The following KIAA1549L variants were observed in gnomAD, a reference collection of about 807,000 sequenced individuals.
KIAA1549L encodes UPF0606 protein KIAA1549L.
Under a neutral mutation model 160.7 loss-of-function variants are expected in KIAA1549L, and 88 were observed. The observed-to-expected ratio is 0.55, with a 90% CI of 0.46 to 0.65. KIAA1549L has a LOEUF of 0.65. Ranked by LOEUF, KIAA1549L falls within the 30% of genes least tolerant of loss-of-function variation. The pLI is 0.00. For missense variants in KIAA1549L, 2,258 were observed against 2,437.5 expected, an observed-to-expected ratio of 0.93 and a Z score of 1.55; for synonymous variants, 950 against 976.7, an observed-to-expected ratio of 0.97 and a Z score of 0.51.
intron 16 of KIAA1549L, among the ~76,000 whole-genome samples, chr11:33,630,754 G>A (rs951932017): frequency 2.0e-4 from 30 of 152,286 alleles, no homozygotes; most frequent in Non-Finnish European, 3.5e-4. Flanking sequence ...CGTCGCTCAC[G>A]CTGGGAGCTG....
Position 33,552,115 on chromosome 11 carries a change from G to T in KIAA1549L, c.3729G>T (p.Gln1243His). 6.2e-7 allele frequency: 1 copy of T among 1,613,704 alleles called. No homozygotes were observed. The highest frequency in any genetic ancestry group is 2.2e-5 in the East Asian group (1 of 44,870). Reference sequence around the variant, plus strand: ...TGACTTCTCTCATTCTAGTGCTGCAGTTTGTGAGCCAAGCGGACAACATAC... The same window carrying T: ...TGACTTCTCTCATTCTAGTGCTGCATTTTGTGAGCCAAGCGGACAACATAC... ...AGYFQLKTVL[Q>H]FVSQADNIQS... The change falls in exon 6 of 21, where the codon CAG becomes CAT. Residue 1243 changes from glutamine to histidine, a missense_variant. Coordinates refer to ENST00000658780, the MANE Select transcript of KIAA1549L (RefSeq NM_012194.3).
intron 1 of KIAA1549L, among the ~76,000 whole-genome samples, chr11:33,383,609 G>A (rs1850116082): frequency 6.6e-6 from 1 of 152,190 alleles, no homozygotes; most frequent in Non-Finnish European, 1.5e-5. Flanking sequence ...GGGGTATAGT[G>A]AGAACAGGCT....
chr11:33,376,330 C>T lies in KIAA1549L; in HGVS notation c.-322C>T, dbSNP rs1048996926. The stretch of plus-strand genomic sequence containing the variant: ...CCCCCTAGTTCTGCAGGAGCCGGCC[C>T]GGGGGAGGGGGCCCCGGGCGGCGCC... On this transcript the variant is annotated 5_prime_UTR_variant, in exon 1 of 21. Coordinates refer to ENST00000658780, the MANE Select transcript of KIAA1549L (RefSeq NM_012194.3). The surrounding 1 kb of genome is among the most constrained non-coding windows in gnomAD (Gnocchi z 5.8). 9.5e-5 allele frequency: 14 copies of T among 147,900 alleles called. No individual in the cohort carries two copies. Among genetic ancestry groups the T allele is most frequent in the African/African-American group, 3.4e-4 (14 of 40,860 alleles). 9.2% of individuals were successfully genotyped at this position (147,900 alleles called of 1,614,324 possible).
chr11:33,417,498 A>T, intron 1 of KIAA1549L, among the ~76,000 whole-genome samples: 1 of 152,210 alleles, frequency 6.6e-6, no homozygotes, highest in Non-Finnish European at 1.5e-5. Context: ...CTTGAAGAAT[A>T]ATTGCCTTGC....
At chr11:33,401,758 G>C (rs1850505355) in intron 1 of KIAA1549L, among the ~76,000 whole-genome samples, 1 of 152,126 alleles carries the variant, frequency 6.6e-6, no homozygotes, top group Admixed American at 6.5e-5. Context: ...TCTTGCCTCT[G>C]CCTGCCTCAG....
At chr11:33,539,519 CAG>C (rs1853966859) in intron 1 of KIAA1549L, among the ~76,000 whole-genome samples, 1 of 152,236 alleles carries the variant, frequency 6.6e-6, no homozygotes, top group African/African-American at 2.4e-5. Flanking sequence ...CCTTTGTCAG[CAG>C]AGTCCATAGG....
chr11:33,656,709 C>T (rs980843344), intron 18 of KIAA1549L, among the ~76,000 whole-genome samples: 2 of 152,192 alleles, frequency 1.3e-5, no homozygotes, highest in African/African-American at 4.8e-5. Context: ...GACCACTGCC[C>T]TGGCCTTCCT....
chr11:33,415,789 T>C (rs1850876125), intron 1 of KIAA1549L, among the ~76,000 whole-genome samples: 1 of 152,080 alleles, frequency 6.6e-6, no homozygotes, highest in South Asian at 2.1e-4. Flanking sequence ...ACTGATGACT[T>C]ATCAGCATTT....
At chr11:33,505,312 A>T (rs540313146) in intron 1 of KIAA1549L, among the ~76,000 whole-genome samples, 1 of 152,330 alleles carries the variant, frequency 6.6e-6, no homozygotes, top group African/African-American at 2.4e-5. Flanking sequence ...GGTTGTCAGG[A>T]GAATCTCCAG....
intron 1 of KIAA1549L, among the ~76,000 whole-genome samples, chr11:33,419,853 A>G (rs1409596004): frequency 6.8e-6 from 1 of 146,672 alleles, no homozygotes; most frequent in Admixed American, 7.0e-5. Flanking sequence ...TTTAAAAAAA[A>G]TGTTATACAT....
chr11:33,551,270 C>G lies in KIAA1549L; in HGVS notation c.3721+11C>G, dbSNP rs374903913. On this transcript the variant is annotated intron_variant, in intron 5 of 20. Transcript: ENST00000658780. The stretch of plus-strand genomic sequence containing the variant: ...TCCAGCTAAAAACAGGCAAGTGACT[C>G]GGAAGGAAGGGATTTTCATCCATTC... 4 of 1,607,908 alleles carry G rather than the reference C, an allele frequency of 2.5e-6. No homozygotes were observed. The East Asian group carries it at 8.9e-5, about 36-fold the overall frequency.
At chr11:33,606,900 A>C in intron 14 of KIAA1549L, 78 bp downstream of exon 14, 1 of 1,269,570 alleles carries the variant, frequency 7.9e-7, no homozygotes, top group East Asian at 2.5e-5. Context: ...ACACCTGTGA[A>C]TACTGGGTGC....
chr11:33,402,716 C>T (rs929345393), intron 1 of KIAA1549L, among the ~76,000 whole-genome samples: 1 of 152,204 alleles, frequency 6.6e-6, no homozygotes, highest in African/African-American at 2.4e-5. Flanking sequence ...GCCCCTGGCT[C>T]CTGAATTCCC....
At chr11:33,575,119 A>G (rs1355076959) in intron 10 of KIAA1549L, among the ~76,000 whole-genome samples, 1 of 152,210 alleles carries the variant, frequency 6.6e-6, no homozygotes, top group Non-Finnish European at 1.5e-5. Context: ...TCCTCAGCAT[A>G]ATCTAGTGAA....
chr11:33,416,060 C>T (rs1288160544), intron 1 of KIAA1549L, among the ~76,000 whole-genome samples: 1 of 152,012 alleles, frequency 6.6e-6, no homozygotes, highest in Non-Finnish European at 1.5e-5. Context: ...AACCAACCAA[C>T]CAATAAAAAG....
intron 17 of KIAA1549L, among the ~76,000 whole-genome samples, chr11:33,651,906 C>T (rs1323860304): frequency 4.1e-5 from 3 of 73,342 alleles, no homozygotes; most frequent in Non-Finnish European, 8.6e-5. Flanking sequence ...CCTTCCCCTC[C>T]CCTCCCCTCC....
chr11:33,505,509 G>C (rs1386473898), intron 1 of KIAA1549L, among the ~76,000 whole-genome samples: 1 of 152,120 alleles, frequency 6.6e-6, no homozygotes, highest in East Asian at 1.9e-4. Context: ...AATTCTAATT[G>C]TTTTGTGTGT....
intron 1 of KIAA1549L, among the ~76,000 whole-genome samples, chr11:33,397,158 C>A (rs1329916240): frequency 6.8e-6 from 1 of 146,002 alleles, no homozygotes; most frequent in Non-Finnish European, 1.5e-5. Context: ...TGGTGAAACC[C>A]CGTCTCTACT....
intron 1 of KIAA1549L, among the ~76,000 whole-genome samples, chr11:33,471,980 G>C (rs1462250438): frequency 1.3e-5 from 2 of 152,328 alleles, no homozygotes; most frequent in South Asian, 4.1e-4. Flanking sequence ...GCTTACCGGA[G>C]ATGCAGACTC....
Sources: gnomAD v4.1 joint callset for allele counts (sites outside exome capture counted in the v4.1 genomes callset) on GRCh38, gnomAD v4.1.1 for gene constraint, Gnocchi (gnomAD v3.1) non-coding constraint, MANE v1.5 for transcripts, NCBI Gene and HGNC (gene_info 2026-07-23, HGNC 2026-07-21) for gene names.